ANKRD30B: variants seen among roughly 807,000 people sequenced by gnomAD.
ANKRD30B encodes the protein ankyrin repeat domain 30B, also known as ankyrin repeat domain-containing protein 30B.
ANKRD30B carries 144 observed loss-of-function variants against 202.2 expected under a neutral mutation model. That is an observed-to-expected ratio of 0.71 (90% CI 0.62 to 0.82). The LOEUF is 0.82. Among genes scored for constraint, ANKRD30B ranks in the 40% least tolerant of loss-of-function variants. ANKRD30B has a pLI of 0.00. For missense variants in ANKRD30B, 1,487 were observed against 1,669.1 expected (o/e 0.89, Z 1.90); for synonymous variants, 508 against 561.3 (o/e 0.91, Z 1.34).
At chr18:14,836,388 G>A (rs62086451) in intron 34 of ANKRD30B, among the ~76,000 whole-genome samples, 5 of 152,120 alleles carry the variant, frequency 3.3e-5, no homozygotes, top group South Asian at 2.1e-4. Flanking sequence ...CACTTCAACC[G>A]TCCCCTACAT....
the ANKRD30B span, among the ~76,000 whole-genome samples, chr18:14,881,346 G>A: frequency 6.6e-6 from 1 of 152,126 alleles, no homozygotes; most frequent in Non-Finnish European, 1.5e-5. Context: ...ATATAATCGT[G>A]TGAGTTTTTT....
chr18:14,938,621 A>G, the ANKRD30B span, among the ~76,000 whole-genome samples: 1 of 152,188 alleles, frequency 6.6e-6, no homozygotes, highest in East Asian at 1.9e-4. Context: ...AGTACTAATA[A>G]CAGACAGGAC....
At chr18:14,797,202 A>T (rs9748233) in intron 18 of ANKRD30B, among the ~76,000 whole-genome samples, 2,425 of 152,200 alleles carry the variant, frequency 0.016, 70 homozygotes, top group African/African-American at 0.056. Context: ...ATCCATATGG[A>T]CAGGTACCCC....
At chr18:14,927,117 A>G in the ANKRD30B span, among the ~76,000 whole-genome samples, 4 of 152,206 alleles carry the variant, frequency 2.6e-5, no homozygotes, top group African/African-American at 9.6e-5. Flanking sequence ...TAAAGTAAGT[A>G]ATTTAAAAAT....
intron 34 of ANKRD30B, among the ~76,000 whole-genome samples, chr18:14,833,703 T>G (rs573455288): frequency 1.3e-5 from 2 of 152,272 alleles, no homozygotes; most frequent in South Asian, 4.1e-4. Context: ...AATAACAAAT[T>G]GTAGTGTAAA....
chr18:14,844,610 C>T lies in ANKRD30B; in HGVS notation c.3181+1514C>T, dbSNP rs374642877. The stretch of plus-strand genomic sequence containing the variant: ...TAGGGTATATATCCAGTAATGGGAT[C>T]GCTGGATCAAATGGTATTTCTAGTT... On this transcript the variant is annotated intron_variant, in intron 39 of 43. Transcript: ENST00000690538. 3.9e-5 allele frequency among the ~76,000 whole-genome samples: 6 copies of T among 152,286 alleles called. No individual in the cohort carries two copies. In the South Asian group the frequency reaches 8.3e-4, roughly 21 times the overall value.
chr18:14,834,437 G>A (rs563794396), intron 34 of ANKRD30B, among the ~76,000 whole-genome samples: 4 of 151,988 alleles, frequency 2.6e-5, no homozygotes, highest in Non-Finnish European at 4.4e-5. Flanking sequence ...GGATGAGACA[G>A]ATTCTTATAA....
chr18:14,799,001 A>G (rs769912528), intron 20 of ANKRD30B, 100 bp from the exon 21 acceptor site: 42 of 1,216,872 alleles, frequency 3.5e-5, no homozygotes, highest in Middle Eastern at 2.8e-4. Flanking sequence ...TTTCAATCCA[A>G]GCATCATGAG....
intron 42 of ANKRD30B, chr18:14,852,665 A>G (rs1303325431): frequency 1.8e-5 from 6 of 330,072 alleles, no homozygotes; most frequent in East Asian, 5.2e-5. Context: ...TTAATAGATT[A>G]ACATTAATGA....
At chr18:14,899,019 G>A in the ANKRD30B span, among the ~76,000 whole-genome samples, 1 of 151,948 alleles carries the variant, frequency 6.6e-6, no homozygotes, top group Non-Finnish European at 1.5e-5. Flanking sequence ...TATTTTCCTT[G>A]ATATAGACCA....
intron 7 of ANKRD30B, among the ~76,000 whole-genome samples, chr18:14,767,215 C>T (rs1013852088): frequency 6.6e-6 from 1 of 152,110 alleles, no homozygotes; most frequent in Non-Finnish European, 1.5e-5. Flanking sequence ...GTGTCTCTCT[C>T]TCACACAAAC....
intron 14 of ANKRD30B, 112 bp downstream of exon 14, chr18:14,784,647 C>G (rs1448099013): frequency 3.3e-6 from 4 of 1,212,236 alleles, no homozygotes; most frequent in Admixed American, 5.2e-5. Flanking sequence ...AAGATTTGAT[C>G]TAGATAATGC....
At position 14,852,403 on chromosome 18, in the gene ANKRD30B, G is replaced by C. The variant is rs1482234387; in HGVS notation, c.4459G>C (p.Glu1487Gln). ...AGAACGTATAGATCAATATGAAAAA[G>C]AGAAAGCAGAAAGAGAAGTAAGTAT... The part of the protein sequence containing the change: ...LKERIDQYEK[E>Q]KAEREVIVRQ... The change falls in exon 42 of 44, where the codon GAG (glutamate) becomes CAG (glutamine). Residue 1487 changes from glutamate to glutamine, a missense_variant. Glu to Gln is a conservative substitution (Grantham distance 29). This residue lies in a region of ANKRD30B where 182 missense variants were observed against 216.0 expected (regional missense o/e 0.84). Transcript: ENST00000690538. The C allele has an allele frequency of 3.9e-6, 6 of 1,519,664 alleles. No individual in the cohort carries two copies. The highest frequency in any genetic ancestry group is 5.3e-6 in the Non-Finnish European group (6 of 1,139,144). The allele number at this position is 1,519,664 out of a possible 1,614,324, so 94.1% of individuals were successfully genotyped here. A position where few individuals can be genotyped will look rare whatever the true frequency, so the allele number is the denominator to read the frequency against.
chr18:14,900,616 C>A, the ANKRD30B span, among the ~76,000 whole-genome samples: 1 of 152,132 alleles, frequency 6.6e-6, no homozygotes, highest in Non-Finnish European at 1.5e-5. Flanking sequence ...TTTTCCATGG[C>A]AATAGAATTT....
the ANKRD30B span, among the ~76,000 whole-genome samples, chr18:14,915,075 C>G: frequency 6.6e-6 from 1 of 152,132 alleles, no homozygotes; most frequent in African/African-American, 2.4e-5. Flanking sequence ...AGTGATCATC[C>G]CATTCCTGTC....
intron 30 of ANKRD30B, among the ~76,000 whole-genome samples, chr18:14,815,351 C>T (rs972118568): frequency 6.7e-6 from 1 of 149,586 alleles, no homozygotes. Context: ...TTTAGAAAAC[C>T]GTCTGAAAAC....
chr18:14,839,660 T>A (rs748542438), intron 36 of ANKRD30B, among the ~76,000 whole-genome samples: 14 of 152,232 alleles, frequency 9.2e-5, no homozygotes, highest in Non-Finnish European at 1.9e-4. Context: ...ATCTAATGAT[T>A]GTTTGCTTTC....
chr18:14,927,171 G>C, the ANKRD30B span, among the ~76,000 whole-genome samples: 7 of 152,154 alleles, frequency 4.6e-5, no homozygotes, highest in East Asian at 9.7e-4. Context: ...CTAACAACTA[G>C]GGAATTTAGG....
the ANKRD30B span, among the ~76,000 whole-genome samples, chr18:14,937,517 G>A: frequency 6.6e-6 from 1 of 152,266 alleles, no homozygotes; most frequent in Non-Finnish European, 1.5e-5. Flanking sequence ...TGGACTGCAA[G>A]CTGGGTCTCC....
Sources: allele counts gnomAD v4.1 joint callset (sites outside exome capture counted in the v4.1 genomes callset), GRCh38; gene constraint gnomAD v4.1.1; regional missense constraint gnomAD v4.1.1; transcripts MANE v1.5; gene names NCBI Gene and HGNC (gene_info 2026-07-23, HGNC 2026-07-21).